AUTS2: variants seen among roughly 807,000 people sequenced by gnomAD.
AUTS2 encodes the protein activator of transcription and developmental regulator AUTS2, also known as autism susceptibility gene 2 protein.
In AUTS2, 17 loss-of-function variants were observed where a neutral mutation model predicts 112.4. The observed-to-expected ratio is 0.15, with a 90% confidence interval of 0.10 to 0.23. The LOEUF (loss-of-function observed/expected upper bound fraction) is 0.23. Ranked by LOEUF, AUTS2 falls within the 10% of genes least tolerant of loss-of-function variation. AUTS2 has a pLI of 1.00. For synonymous variants in AUTS2, 751 were observed against 702.7 expected, an observed-to-expected ratio of 1.07 and a Z score of -1.09; for missense variants, 1,510 against 1,701.6, an observed-to-expected ratio of 0.89 and a Z score of 1.98.
chr7:70,581,607 T>C (rs1192457885), intron 5 of AUTS2, among the ~76,000 whole-genome samples: 1 of 152,110 alleles, frequency 6.6e-6, no homozygotes, highest in East Asian at 1.9e-4. Context: ...CACACGCCAC[T>C]TTGGAAATGT....
chr7:69,780,058 A>G (rs1163378755), intron 1 of AUTS2, among the ~76,000 whole-genome samples: 2 of 151,924 alleles, frequency 1.3e-5, no homozygotes, highest in African/African-American at 2.4e-5. Flanking sequence ...GGGTCTTTCT[A>G]TGTTGACCAG....
intron 6 of AUTS2, among the ~76,000 whole-genome samples, chr7:70,706,271 G>A (rs1809732792): frequency 6.6e-6 from 1 of 152,164 alleles, no homozygotes; most frequent in Admixed American, 6.5e-5. Flanking sequence ...GTGGTTATTC[G>A]GCTGGTAAAG....
At position 69,914,334 on chromosome 7, in the gene AUTS2, C is replaced by G. The variant is rs912377749; in HGVS notation, c.522+14836C>G. Reference sequence around the variant, plus strand: ...TTGGCTACAAAAAAAAGCACACACACAGACACAGACACACACACACAGACA... The same window carrying G: ...TTGGCTACAAAAAAAAGCACACACAGAGACACAGACACACACACACAGACA... On this transcript the variant is annotated intron_variant, in intron 2 of 18. Coordinates refer to ENST00000342771, the MANE Select transcript of AUTS2 (RefSeq NM_015570.4). 9.1e-5 allele frequency among the ~76,000 whole-genome samples: 13 copies of G among 142,350 alleles called. No homozygotes were observed. The East Asian group carries it at 2.1e-3, about 23-fold the overall frequency. The allele number at this position is 142,350 out of a possible 152,430, so 93.4% of individuals were successfully genotyped here.
intron 6 of AUTS2, among the ~76,000 whole-genome samples, chr7:70,717,113 C>G (rs1810423992): frequency 6.6e-6 from 1 of 151,426 alleles, no homozygotes; most frequent in Non-Finnish European, 1.5e-5. Context: ...CTTACTGCAG[C>G]CTTGAACTCC....
chr7:70,692,324 C>G (rs1176671649), intron 5 of AUTS2, among the ~76,000 whole-genome samples: 2 of 152,338 alleles, frequency 1.3e-5, no homozygotes, highest in African/African-American at 2.4e-5. Context: ...CAGGCAGTTT[C>G]TTCCCTGTAA....
chr7:69,617,072 A>C (rs1029449907), intron 1 of AUTS2, among the ~76,000 whole-genome samples: 2 of 152,218 alleles, frequency 1.3e-5, no homozygotes, highest in Non-Finnish European at 2.9e-5. Context: ...AAACAAATAT[A>C]TAATATGTTG....
intron 6 of AUTS2, among the ~76,000 whole-genome samples, chr7:70,709,166 C>A (rs1251318002): frequency 6.6e-6 from 1 of 151,876 alleles, no homozygotes; most frequent in Non-Finnish European, 1.5e-5. Flanking sequence ...ATCCGCTCAC[C>A]TCGGCCTCCC....
intron 5 of AUTS2, among the ~76,000 whole-genome samples, chr7:70,679,500 T>C (rs938472837): frequency 1.6e-4 from 24 of 152,134 alleles, no homozygotes; most frequent in African/African-American, 5.6e-4. Flanking sequence ...ATCCTGATAT[T>C]GTGTGCTTGA....
At chr7:70,768,694 C>T (rs1029952691) in intron 10 of AUTS2, among the ~76,000 whole-genome samples, 1 of 151,830 alleles carries the variant, frequency 6.6e-6, no homozygotes, top group Non-Finnish European at 1.5e-5. Context: ...TTGTTTTATG[C>T]CATTTTAAGA....
intron 4 of AUTS2, among the ~76,000 whole-genome samples, chr7:70,426,659 T>A (rs1279259719): frequency 6.6e-6 from 1 of 152,226 alleles, no homozygotes; most frequent in Non-Finnish European, 1.5e-5. Flanking sequence ...TCTGCAATGA[T>A]ATCCTTTTAT....
intron 1 of AUTS2, among the ~76,000 whole-genome samples, chr7:69,688,017 T>C (rs1797141147): frequency 6.6e-6 from 1 of 152,228 alleles, no homozygotes. Context: ...CTGCCAAGCC[T>C]TTTAAAAAAT....
chr7:70,485,969 A>C (rs1797977727), intron 5 of AUTS2, among the ~76,000 whole-genome samples: 1 of 151,798 alleles, frequency 6.6e-6, no homozygotes, highest in African/African-American at 2.4e-5. Context: ...TCACTTGTTG[A>C]AGAAAAAAAC....
intron 5 of AUTS2, among the ~76,000 whole-genome samples, chr7:70,580,038 C>T (rs555517564): frequency 6.6e-6 from 1 of 152,176 alleles, no homozygotes; most frequent in South Asian, 2.1e-4. Context: ...CTCTAGAAGC[C>T]AGCCATTTTA....
chr7:69,990,928 T>C (rs1223095704), intron 2 of AUTS2, among the ~76,000 whole-genome samples: 6 of 152,230 alleles, frequency 3.9e-5, no homozygotes, highest in African/African-American at 1.4e-4. Flanking sequence ...TTTGTGTTCC[T>C]CAATCTCTGT....
At chr7:70,463,368 A>G (rs1201436665) in intron 5 of AUTS2, among the ~76,000 whole-genome samples, 1 of 152,210 alleles carries the variant, frequency 6.6e-6, no homozygotes, top group Non-Finnish European at 1.5e-5. Context: ...TAGTCTTCCC[A>G]TTTGACATTC....
chr7:69,925,204 A>T (rs1484620502), intron 2 of AUTS2, among the ~76,000 whole-genome samples: 2 of 151,888 alleles, frequency 1.3e-5, no homozygotes, highest in Non-Finnish European at 2.9e-5. Flanking sequence ...AATTTTATTG[A>T]TCTTCTTGAA....
rs146872097 is a variant in AUTS2, at chr7:70,023,658, A to G, written c.523-94474A>G. Reference sequence around the variant, plus strand: ...TTTGGAGTTTGGTTGGAGGATTCAAAGCAACATTCATTAAACTAAACACTC... The same window carrying G: ...TTTGGAGTTTGGTTGGAGGATTCAAGGCAACATTCATTAAACTAAACACTC... On this transcript the variant is annotated intron_variant, in intron 2 of 18. Transcript: ENST00000342771. Among the ~76,000 whole-genome samples the G allele has an allele frequency of 1.1e-3, 173 of 152,320 alleles. 1 individual carries two copies. The East Asian group carries it at 0.013, about 11-fold the overall frequency.
At chr7:70,122,838 G>A (rs1376443107) in intron 3 of AUTS2, among the ~76,000 whole-genome samples, 2 of 149,934 alleles carry the variant, frequency 1.3e-5, no homozygotes, top group African/African-American at 4.9e-5. Context: ...AAGCACTATG[G>A]CAATCTGAAA....
intron 5 of AUTS2, among the ~76,000 whole-genome samples, chr7:70,554,616 C>G (rs1801170255): frequency 6.6e-6 from 1 of 152,114 alleles, no homozygotes. Flanking sequence ...ATAGTCTGGC[C>G]TCTCGGGAGA....
Sources: gnomAD v4.1 joint callset for allele counts (sites outside exome capture counted in the v4.1 genomes callset) on GRCh38, gnomAD v4.1.1 for gene constraint, MANE v1.5 for transcripts, NCBI Gene and HGNC (gene_info 2026-07-23, HGNC 2026-07-21) for gene names.